Variants in MSRA observed in about 807,000 individuals in gnomAD.
MSRA encodes methionine sulfoxide reductase A, also known as mitochondrial peptide methionine sulfoxide reductase.
In MSRA, 54 loss-of-function variants were observed where a neutral mutation model predicts 31.3. That is an observed-to-expected ratio of 1.73 (90% CI 1.39 to 2.17). The LOEUF (loss-of-function observed/expected upper bound fraction) is 2.17, where lower values mean the gene tolerates loss of function less well. Ranked by LOEUF, MSRA falls within the 30% of genes most tolerant of loss-of-function variation. The probability of loss-of-function intolerance (pLI) is 0.00; values close to 1 mark genes in which losing one functional copy is unlikely to be tolerated. For missense variants in MSRA, 507 were observed against 300.9 expected (o/e 1.69, Z -5.07); for synonymous variants, 169 against 116.5 (o/e 1.45, Z -2.90).
rs572504469 is a variant in MSRA at position 10,222,546 on chromosome 8, C to G, written c.211+14645C>G. On this transcript the variant is annotated intron_variant, in intron 2 of 5. Transcript: ENST00000317173. ...AATCACTATCTCAGAGATATTCATA[C>G]TCTCACGTTCATTGAGGCACTATTC... Among the ~76,000 whole-genome samples, 12 of 152,264 alleles carry G rather than the reference C, an allele frequency of 7.9e-5. No individual in the cohort carries two copies. The South Asian group carries it at 2.5e-3, about 32-fold the overall frequency.
intron 5 of MSRA, among the ~76,000 whole-genome samples, chr8:10,373,915 A>G (rs1418574782): frequency 2.6e-5 from 4 of 152,186 alleles, no homozygotes; most frequent in Admixed American, 2.6e-4. Context: ...CTGTGGGGTC[A>G]ATATCATGGC....
intron 1 of MSRA, among the ~76,000 whole-genome samples, chr8:10,055,907 A>G (rs978665213): frequency 7.9e-5 from 12 of 152,180 alleles, no homozygotes; most frequent in African/African-American, 2.4e-4. Context: ...TGGTTTCCCC[A>G]TCATTTCACC....
chr8:10,073,137 T>C (rs943162679), intron 1 of MSRA, among the ~76,000 whole-genome samples: 2 of 152,174 alleles, frequency 1.3e-5, no homozygotes, highest in Non-Finnish European at 2.9e-5. Flanking sequence ...TCTGTGGATA[T>C]TTCCCTAGCC....
chr8:10,232,190 G>A (rs1022310669), intron 2 of MSRA, among the ~76,000 whole-genome samples: 2 of 152,138 alleles, frequency 1.3e-5, no homozygotes, highest in African/African-American at 4.8e-5. Flanking sequence ...GGAAGAGAGG[G>A]AGCATTTGGA....
intron 5 of MSRA, among the ~76,000 whole-genome samples, chr8:10,348,804 A>G (rs1803951060): frequency 6.6e-6 from 1 of 152,222 alleles, no homozygotes; most frequent in Non-Finnish European, 1.5e-5. Flanking sequence ...ATCAACAGGT[A>G]TCTGGGATCT....
chr8:10,281,475 A>G (rs1177064778), intron 3 of MSRA, among the ~76,000 whole-genome samples: 1 of 152,228 alleles, frequency 6.6e-6, no homozygotes, highest in Non-Finnish European at 1.5e-5. Flanking sequence ...CAGCCTTGAC[A>G]ATGCGGCGGT....
rs151102506 is a variant in MSRA, at chr8:10,257,684, C to T, written c.331+12461C>T. On this transcript the variant is annotated intron_variant, in intron 3 of 5. Coordinates refer to ENST00000317173, the MANE Select transcript of MSRA (RefSeq NM_012331.5). The stretch of plus-strand genomic sequence containing the variant: ...TCAATTAACGGCACCTCAATGGCCT[C>T]CCATTTGACTATAGATGTTAAATAA... Among the ~76,000 whole-genome samples, 1,212 of 152,294 alleles carry T rather than the reference C, an allele frequency of 8.0e-3. 10 individuals carry two copies. Among genetic ancestry groups the T allele is most frequent in the South Asian group, 0.039 (189 of 4,828 alleles).
At chr8:10,211,748 C>G (rs922018947) in intron 2 of MSRA, among the ~76,000 whole-genome samples, 1 of 152,104 alleles carries the variant, frequency 6.6e-6, no homozygotes, top group African/African-American at 2.4e-5. Context: ...CTGGGCCTGT[C>G]TTAGAAAGGT....
intron 3 of MSRA, among the ~76,000 whole-genome samples, chr8:10,278,413 C>G (rs1282205060): frequency 1.3e-5 from 2 of 152,234 alleles, no homozygotes; most frequent in African/African-American, 4.8e-5. Flanking sequence ...GTTCATGTAA[C>G]AACCAAAAAC....
intron 2 of MSRA, among the ~76,000 whole-genome samples, chr8:10,214,024 C>A (rs1809756479): frequency 6.6e-6 from 1 of 152,186 alleles, no homozygotes. Flanking sequence ...TTTTAGGCTC[C>A]TAGTAGCCTG....
intron 1 of MSRA, among the ~76,000 whole-genome samples, chr8:10,056,793 G>T (rs1017663188): frequency 1.3e-5 from 2 of 152,056 alleles, no homozygotes; most frequent in African/African-American, 2.4e-5. Context: ...CTGCAACTTG[G>T]ATCCTGTTTA....
intron 1 of MSRA, among the ~76,000 whole-genome samples, chr8:10,173,418 A>C (rs908538670): frequency 2.6e-5 from 4 of 152,264 alleles, no homozygotes; most frequent in African/African-American, 9.6e-5. Context: ...TAACTTTGTC[A>C]AGCCAAAGAG....
chr8:10,061,571 T>C (rs992580457), intron 1 of MSRA, among the ~76,000 whole-genome samples: 1 of 152,060 alleles, frequency 6.6e-6, no homozygotes, highest in African/African-American at 2.4e-5. Context: ...CTCACAGCAC[T>C]TCACCAAGAG....
rs558035629 is a variant in MSRA, at chr8:10,427,425, C to G, written c.544-723C>G. Among the ~76,000 whole-genome samples the G allele has an allele frequency of 5.9e-5, 9 of 152,262 alleles. No homozygotes were observed. The East Asian group carries it at 1.7e-3, about 29-fold the overall frequency. On this transcript the variant is annotated intron_variant, in intron 5 of 5. Coordinates refer to ENST00000317173, the MANE Select transcript of MSRA (RefSeq NM_012331.5). ...GTCTTTCCCTGGCAGCAGATGTCAC[C>G]GGGACGTAAACTAGGACGCAGAGGG...
intron 2 of MSRA, among the ~76,000 whole-genome samples, chr8:10,240,177 C>G (rs985444426): frequency 6.6e-6 from 1 of 152,204 alleles, no homozygotes; most frequent in Non-Finnish European, 1.5e-5. Flanking sequence ...CTGGCCCTTT[C>G]AGCATGGAAG....
In MSRA at chr8:10,093,873, G is replaced by A. The variant is rs1798984429; in HGVS notation, c.142+39215G>A. 2.6e-5 allele frequency among the ~76,000 whole-genome samples: 4 copies of A among 152,082 alleles called. No individual in the cohort carries two copies. In the South Asian group the frequency reaches 8.3e-4, roughly 32 times the overall value. ...TCCTTCATTTTCAAAGAATAGTTTT[G>A]CTGACATAGAATTCTTGGTTGACAG... is the stretch of plus-strand genomic sequence containing the variant. On this transcript the variant is annotated intron_variant, in intron 1 of 5. Coordinates refer to ENST00000317173, the MANE Select transcript of MSRA (RefSeq NM_012331.5).
intron 5 of MSRA, among the ~76,000 whole-genome samples, chr8:10,348,543 T>A (rs1427727181): frequency 6.6e-6 from 1 of 151,928 alleles, no homozygotes; most frequent in African/African-American, 2.4e-5. Flanking sequence ...CTAATTTTTG[T>A]ATTTTTAGTA....
intron 1 of MSRA, among the ~76,000 whole-genome samples, chr8:10,109,665 G>C (rs1248274720): frequency 6.6e-6 from 1 of 152,048 alleles, no homozygotes; most frequent in Non-Finnish European, 1.5e-5. Context: ...TGTATTTTTA[G>C]CATTGGAATT....
intron 5 of MSRA, among the ~76,000 whole-genome samples, chr8:10,407,589 C>CA (rs1807896685): frequency 6.6e-6 from 1 of 152,150 alleles, no homozygotes; most frequent in African/African-American, 2.4e-5. Flanking sequence ...CAGCGAAGAC[C>CA]AACCGCTTTG....
Sources: gnomAD v4.1 joint callset for allele counts (sites outside exome capture counted in the v4.1 genomes callset) on GRCh38, gnomAD v4.1.1 for gene constraint, MANE v1.5 for transcripts, NCBI Gene and HGNC (gene_info 2026-07-23, HGNC 2026-07-21) for gene names.